Variants in SIN3B observed in about 807,000 individuals in gnomAD.
SIN3B encodes the protein paired amphipathic helix protein Sin3b.
In SIN3B, 19 loss-of-function variants were observed where a neutral mutation model predicts 120.2. The ratio of observed to expected loss-of-function variants is 0.16; its 90% confidence interval spans 0.11 to 0.23. The LOEUF is 0.23. Ranked by LOEUF, SIN3B falls within the 10% of genes least tolerant of loss-of-function variation. SIN3B has a pLI of 1.00. For missense variants in SIN3B, 1,073 were observed against 1,573.0 expected, an observed-to-expected ratio of 0.68 and a Z score of 5.38; for synonymous variants, 654 against 653.2, an observed-to-expected ratio of 1.00 and a Z score of -0.02.
chr19:16,857,793 G>A (rs910737150), intron 8 of SIN3B, among the ~76,000 whole-genome samples: 1 of 152,204 alleles, frequency 6.6e-6, no homozygotes, highest in Non-Finnish European at 1.5e-5. Flanking sequence ...ACCCAGGTGG[G>A]CATCGCCAAA....
chr19:16,868,362 G>A (rs1367911504), intron 12 of SIN3B, among the ~76,000 whole-genome samples: 2 of 152,294 alleles, frequency 1.3e-5, no homozygotes, highest in East Asian at 3.9e-4. Context: ...TCCCTCGGGA[G>A]CCTGCAGAGA....
At chr19:16,870,453 C>T (rs1290112343) in intron 13 of SIN3B, among the ~76,000 whole-genome samples, 2 of 151,520 alleles carry the variant, frequency 1.3e-5, no homozygotes, top group Non-Finnish European at 2.9e-5. Flanking sequence ...GGCAGGATCT[C>T]GGCCCACTGC....
At chr19:16,866,617 G>C (rs1416377132) in intron 12 of SIN3B, 61 bp downstream of exon 12, 1 of 1,523,708 alleles carries the variant, frequency 6.6e-7, no homozygotes, top group East Asian at 2.3e-5. Context: ...CCCGACCGCC[G>C]GGTCTGTGCC....
chr19:16,870,971 A>G (rs1015001028), intron 13 of SIN3B, among the ~76,000 whole-genome samples: 5 of 151,210 alleles, frequency 3.3e-5, no homozygotes, highest in Non-Finnish European at 5.9e-5. Flanking sequence ...GATTACAGGC[A>G]TGGGCCACCA....
chr19:16,833,195 T>C (rs1173541160), intron 3 of SIN3B, among the ~76,000 whole-genome samples: 4 of 152,174 alleles, frequency 2.6e-5, no homozygotes, highest in African/African-American at 9.7e-5. Flanking sequence ...CTGGAAGCAC[T>C]TGGTAGGTCT....
chr19:16,830,854 A>G (rs1032963838), intron 2 of SIN3B, among the ~76,000 whole-genome samples: 7 of 152,216 alleles, frequency 4.6e-5, no homozygotes, highest in African/African-American at 1.7e-4. Flanking sequence ...CACATTGCTT[A>G]GAGGACTTTG....
intron 4 of SIN3B, among the ~76,000 whole-genome samples, chr19:16,846,076 A>G (rs1359829418): frequency 6.6e-6 from 1 of 152,084 alleles, no homozygotes; most frequent in Non-Finnish European, 1.5e-5. Flanking sequence ...CCCAGCCTAA[A>G]TTGTTTCTTT....
chr19:16,873,501 G>A (rs1213087063), intron 14 of SIN3B, among the ~76,000 whole-genome samples: 2 of 151,002 alleles, frequency 1.3e-5, no homozygotes, highest in East Asian at 2.0e-4. Flanking sequence ...GGGGACGCCA[G>A]GGGGCTGGCA....
At position 16,862,923 on chromosome 19, in the gene SIN3B, G is replaced by A. The variant is rs775289310; in HGVS notation, c.1266+364G>A. 1.5e-5 allele frequency: 25 copies of A among 1,614,120 alleles called. No individual in the cohort carries two copies. Among genetic ancestry groups the A allele is most frequent in the East Asian group, 4.5e-5 (2 of 44,906 alleles). The stretch of plus-strand genomic sequence containing the variant: ...ACTTCTCCAGGGTTCGTGGACAGAC[G>A]ATTACTGCATGTCCAAGTTCAAGAA... On this transcript the variant is annotated intron_variant, in intron 9 of 18. Transcript: ENST00000248054. The surrounding 1 kb of genome is among the most constrained non-coding windows in gnomAD (Gnocchi z 4.7).
chr19:16,877,273 G>A (rs912755183), intron 16 of SIN3B: 8 of 473,948 alleles, frequency 1.7e-5, no homozygotes, highest in Middle Eastern at 5.6e-4. Flanking sequence ...GCTCTGGGGC[G>A]GATCCTTCCT....
chr19:16,874,974 ATTTGATTTGGTCTGGTTTGG>A (rs1367957384), intron 14 of SIN3B, among the ~76,000 whole-genome samples: 1 of 122,122 alleles, frequency 8.2e-6, no homozygotes, highest in African/African-American at 3.2e-5. Context: ...GTCTGGTCTG[ATTTGATTTGGTCTGGTTTGG>A]TTTGGTTTGG....
At chr19:16,845,201 A>G (rs539327722) in intron 4 of SIN3B, among the ~76,000 whole-genome samples, 3 of 152,198 alleles carry the variant, frequency 2.0e-5, no homozygotes, top group Admixed American at 1.3e-4. Flanking sequence ...AGGGCGTACT[A>G]TGCATTCATA....
chr19:16,839,944 C>T (rs1971396176), intron 3 of SIN3B, among the ~76,000 whole-genome samples: 2 of 152,118 alleles, frequency 1.3e-5, no homozygotes, highest in African/African-American at 2.4e-5. Flanking sequence ...GCAAAGGTTG[C>T]AGTGAGCCGG....
intron 8 of SIN3B, among the ~76,000 whole-genome samples, chr19:16,860,596 C>CTTTTT (rs34628511): frequency 1.5e-5 from 2 of 131,806 alleles, no homozygotes; most frequent in Non-Finnish European, 3.2e-5. Flanking sequence ...GTAACTGCAA[C>CTTTTT]TTTTTTTTTT....
At chr19:16,854,803 G>A (rs1422882198) in intron 8 of SIN3B, 1 of 152,290 alleles carries the variant, frequency 6.6e-6, no homozygotes, top group Non-Finnish European at 1.5e-5. Flanking sequence ...CCAAGATCCT[G>A]AACTGGAATA....
At chr19:16,857,517 A>ATGTGTGTGTGTG (rs72233219) in intron 8 of SIN3B, among the ~76,000 whole-genome samples, 1,060 of 93,446 alleles carry the variant, frequency 0.011, 17 homozygotes, top group Admixed American at 0.029. Flanking sequence ...TAAAAAAAAT[A>ATGTGTGTGTGTG]TGTGTGTGTG....
chr19:16,866,394 GT>G lies in SIN3B; in HGVS notation c.1645del (p.Trp549GlyfsTer29). The G allele has an allele frequency of 6.3e-7, 1 of 1,592,672 alleles. No homozygotes were observed. On this transcript the variant is annotated frameshift_variant, in exon 12 of 19. Coordinates refer to ENST00000248054, the MANE Select transcript of SIN3B (RefSeq NM_001297595.2). LOFTEE classifies it high-confidence loss of function. ...GCAGACTGAAGGCCAAGGAAGAGGA[GT>G]GGCGGGAGGCCCAGCAGGGCTTCAA... Reference protein sequence around the residue: ...LKRLKAKEEEWREAQQGFNKI... With the variant: ...LKRLKAKEEEXREAQQGFNKI...
At chr19:16,850,789 GTCAT>G (rs1368515180) in intron 5 of SIN3B, among the ~76,000 whole-genome samples, 1 of 152,178 alleles carries the variant, frequency 6.6e-6, no homozygotes, top group Non-Finnish European at 1.5e-5. Context: ...CTTTGTAAAT[GTCAT>G]TGGCACCCTG....
In SIN3B at chr19:16,846,828, G is replaced by A. The variant is rs1318334886; in HGVS notation, c.583-142G>A. The A allele has an allele frequency of 4.7e-6, 4 of 854,522 alleles. No homozygotes were observed. In the African/African-American group the frequency reaches 5.1e-5, roughly 11 times the overall value. 52.9% of individuals were successfully genotyped at this position (854,522 alleles called of 1,614,324 possible). A position where few individuals can be genotyped will look rare whatever the true frequency, so the allele number is the denominator to read the frequency against. On this transcript the variant is annotated intron_variant, in intron 4 of 18. Transcript: ENST00000248054. ...CCATGCTGGGCAGCAAGATCCACAAGTGTGCAGACAGGACCCTGCGGGCAG... is the reference window on the plus strand; with the variant it reads ...CCATGCTGGGCAGCAAGATCCACAAATGTGCAGACAGGACCCTGCGGGCAG...
Sources: gnomAD v4.1 joint callset for allele counts (sites outside exome capture counted in the v4.1 genomes callset) on GRCh38, gnomAD v4.1.1 for gene constraint, Gnocchi (gnomAD v3.1) non-coding constraint, MANE v1.5 for transcripts, NCBI Gene and HGNC (gene_info 2026-07-23, HGNC 2026-07-21) for gene names.